Variants in LRMDA observed in about 807,000 individuals in gnomAD.
LRMDA encodes leucine rich melanocyte differentiation associated.
Under a neutral mutation model 29.8 loss-of-function variants are expected in LRMDA, and 18 were observed. The ratio of observed to expected loss-of-function variants is 0.60; its 90% CI spans 0.42 to 0.90. The LOEUF (loss-of-function observed/expected upper bound fraction) is 0.90. Ranked by LOEUF, LRMDA falls within the 40% of genes least tolerant of loss-of-function variation. The probability of loss-of-function intolerance (pLI) is 0.00; values close to 1 mark genes in which losing one functional copy is unlikely to be tolerated. For missense variants in LRMDA, 273 were observed against 273.9 expected, an observed-to-expected ratio of 1.00 and a Z score of 0.02; for synonymous variants, 125 against 109.4, an observed-to-expected ratio of 1.14 and a Z score of -0.89.
intron 2 of LRMDA, among the ~76,000 whole-genome samples, chr10:75,710,893 A>G (rs1433060482): frequency 6.6e-6 from 1 of 152,268 alleles, no homozygotes; most frequent in African/African-American, 2.4e-5. Flanking sequence ...ATTTCTGAAC[A>G]GAGACACCAA....
intron 6 of LRMDA, among the ~76,000 whole-genome samples, chr10:76,506,469 G>T (rs992048857): frequency 3.3e-5 from 5 of 152,078 alleles, no homozygotes; most frequent in Non-Finnish European, 5.9e-5. Flanking sequence ...CCAGGAGGCT[G>T]GGGCGACAAG....
chr10:76,111,906 C>A (rs963636254), intron 5 of LRMDA, among the ~76,000 whole-genome samples: 8 of 152,224 alleles, frequency 5.3e-5, no homozygotes, highest in South Asian at 2.1e-4. Context: ...GCCAACGTTG[C>A]GGCACCAGTC....
At chr10:76,223,891 G>A (rs16933074) in intron 5 of LRMDA, among the ~76,000 whole-genome samples, 23,428 of 151,972 alleles carry the variant, frequency 0.15, 2,469 homozygotes, top group East Asian at 0.49. Context: ...TTCCTCTTTG[G>A]GAGAATTGTC....
chr10:75,677,383 G>T (rs1038170334), intron 2 of LRMDA, among the ~76,000 whole-genome samples: 4 of 91,268 alleles, frequency 4.4e-5, no homozygotes, highest in Non-Finnish European at 1.4e-4. Flanking sequence ...TGTAGCTGCA[G>T]ATATCCCAGT....
intron 2 of LRMDA, among the ~76,000 whole-genome samples, chr10:75,968,480 T>C (rs1474538680): frequency 6.6e-6 from 1 of 152,126 alleles, no homozygotes; most frequent in Non-Finnish European, 1.5e-5. Flanking sequence ...TCCAGAGTGA[T>C]AGAGGGAAGG....
intron 2 of LRMDA, among the ~76,000 whole-genome samples, chr10:75,526,800 A>C (rs1346558929): frequency 6.6e-6 from 1 of 151,958 alleles, no homozygotes; most frequent in Non-Finnish European, 1.5e-5. Context: ...TCAAGTCTTC[A>C]GTGAGCTGTG....
chr10:75,717,853 C>G (rs1167448847), intron 2 of LRMDA, among the ~76,000 whole-genome samples: 2 of 152,120 alleles, frequency 1.3e-5, no homozygotes, highest in Non-Finnish European at 2.9e-5. Flanking sequence ...TATTTTCTGA[C>G]CACCGAGTAG....
At chr10:75,522,735 T>C (rs1485739054) in intron 2 of LRMDA, among the ~76,000 whole-genome samples, 1 of 152,186 alleles carries the variant, frequency 6.6e-6, no homozygotes, top group Non-Finnish European at 1.5e-5. Context: ...AGTCATTTAC[T>C]AAACACTACC....
intron 2 of LRMDA, among the ~76,000 whole-genome samples, chr10:75,942,278 ATG>A (rs1274229617): frequency 6.6e-5 from 10 of 152,312 alleles, no homozygotes; most frequent in African/African-American, 2.4e-4. Flanking sequence ...CTCACCCCAG[ATG>A]CCCATCCAGA....
rs145720477 is a variant in LRMDA at position 75,453,963 on chromosome 10, G to A, written c.131+15469G>A. The stretch of plus-strand genomic sequence containing the variant: ...GTGAACTGAAGGCCCCAAAACCCAG[G>A]GAATATGATCTGTTTCTATGCTAAG... On this transcript the variant is annotated intron_variant, in intron 2 of 6. Coordinates refer to ENST00000611255, the MANE Select transcript of LRMDA (RefSeq NM_001305581.2). Among the ~76,000 whole-genome samples, 254 of 152,254 alleles carry A rather than the reference G, an allele frequency of 1.7e-3. 1 individual carries two copies. The highest frequency in any genetic ancestry group is 2.7e-3 in the Non-Finnish European group (186 of 68,012).
intron 5 of LRMDA, among the ~76,000 whole-genome samples, chr10:76,111,809 TG>T (rs66523834): frequency 0.55 from 82,712 of 150,658 alleles, 24,412 homozygotes; most frequent in East Asian, 0.77. Flanking sequence ...GAAATGGGGG[TG>T]GGGGGGGGCG....
intron 5 of LRMDA, among the ~76,000 whole-genome samples, chr10:76,308,873 G>A (rs1006299601): frequency 2.0e-5 from 3 of 152,168 alleles, no homozygotes; most frequent in South Asian, 2.1e-4. Flanking sequence ...CATCCCAGGC[G>A]CTGCAGTCAA....
chr10:75,593,337 C>T (rs915739718), intron 2 of LRMDA, among the ~76,000 whole-genome samples: 3 of 152,308 alleles, frequency 2.0e-5, no homozygotes, highest in Admixed American at 2.0e-4. Flanking sequence ...GTTTGGCACA[C>T]AATGCTGAGG....
At chr10:75,850,270 AT>A (rs1844710067) in intron 2 of LRMDA, among the ~76,000 whole-genome samples, 1 of 152,114 alleles carries the variant, frequency 6.6e-6, no homozygotes, top group African/African-American at 2.4e-5. Flanking sequence ...GTCTGTAACC[AT>A]TTTTTCATTT....
chr10:76,333,694 CT>C (rs1840932450), intron 6 of LRMDA, among the ~76,000 whole-genome samples: 1 of 152,116 alleles, frequency 6.6e-6, no homozygotes, highest in Non-Finnish European at 1.5e-5. Flanking sequence ...CTGATGTTGG[CT>C]TTTGAAACTA....
chr10:76,418,146 T>C (rs1354444852), intron 6 of LRMDA, among the ~76,000 whole-genome samples: 2 of 152,124 alleles, frequency 1.3e-5, no homozygotes, highest in African/African-American at 4.8e-5. Flanking sequence ...ATATGTGTCC[T>C]AATAATAACA....
intron 2 of LRMDA, among the ~76,000 whole-genome samples, chr10:75,706,306 C>T (rs773417961): frequency 1.3e-5 from 2 of 152,052 alleles, no homozygotes; most frequent in Non-Finnish European, 2.9e-5. Context: ...ACGTTTTCCA[C>T]ATTTTGTATT....
At chr10:76,531,321 A>G (rs1843231652) in intron 6 of LRMDA, among the ~76,000 whole-genome samples, 1 of 152,216 alleles carries the variant, frequency 6.6e-6, no homozygotes. Context: ...GAAGATGAGA[A>G]TATGTGAATT....
At chr10:76,343,984 A>T (rs1236902085) in intron 6 of LRMDA, among the ~76,000 whole-genome samples, 4 of 151,484 alleles carry the variant, frequency 2.6e-5, no homozygotes, top group African/African-American at 9.7e-5. Flanking sequence ...CGCCTGGCTA[A>T]TTTTTTTTGG....
Sources: gnomAD v4.1 joint callset for allele counts (sites outside exome capture counted in the v4.1 genomes callset) on GRCh38, gnomAD v4.1.1 for gene constraint, MANE v1.5 for transcripts, NCBI Gene and HGNC (gene_info 2026-07-23, HGNC 2026-07-21) for gene names.